The following SPTBN1 variants were observed in gnomAD, a reference collection of about 807,000 sequenced individuals.
SPTBN1 encodes spectrin beta, non-erythrocytic 1, also known as spectrin beta chain, non-erythrocytic 1.
Under a neutral mutation model 266.4 loss-of-function variants are expected in SPTBN1, and 32 were observed. That is an observed-to-expected ratio of 0.12 (90% CI 0.09 to 0.16). SPTBN1 has a LOEUF of 0.16. Among genes scored for constraint, SPTBN1 ranks in the 10% least tolerant of loss-of-function variants. The pLI is 1.00. For synonymous variants in SPTBN1, 1,336 were observed against 1,162.2 expected (o/e 1.15, Z -3.04); for missense variants, 2,296 against 3,067.1 (o/e 0.75, Z 5.94).
chr2:54,541,660 TC>T (rs1357587416), intron 2 of SPTBN1, among the ~76,000 whole-genome samples: 1 of 152,338 alleles, frequency 6.6e-6, no homozygotes, highest in East Asian at 1.9e-4. Flanking sequence ...GGATGATGTT[TC>T]TATGTTTTAA....
rs1016056482 is a variant in SPTBN1 at position 54,659,039 on chromosome 2, C to T, written c.6244-115C>T. ...GGCTCAGGATGTTAGAGCTTCTTGT[C>T]CAGTGTGGTCCAGTTTAGCAAACTA... On this transcript the variant is annotated intron_variant, in intron 30 of 35. Coordinates refer to ENST00000356805, the MANE Select transcript of SPTBN1 (RefSeq NM_003128.3). 8 of 998,930 alleles carry T rather than the reference C, an allele frequency of 8.0e-6. No individual in the cohort carries two copies. The African/African-American group carries it at 1.3e-4, about 16-fold the overall frequency. 61.9% of individuals were successfully genotyped at this position (998,930 alleles called of 1,614,324 possible).
intron 20 of SPTBN1, 59 bp downstream of exon 20, chr2:54,644,645 A>G: frequency 6.5e-7 from 1 of 1,535,756 alleles, no homozygotes; most frequent in Non-Finnish European, 8.8e-7. Context: ...CATAGTCCTT[A>G]GAGTCTTTTC....
chr2:54,659,097 T>C (rs763036498), intron 30 of SPTBN1, 57 bp from the exon 31 acceptor site: 4 of 1,595,986 alleles, frequency 2.5e-6, no homozygotes, highest in Non-Finnish European at 3.4e-6. Flanking sequence ...CTAGAACCTT[T>C]TTCTGAAAAG....
rs955745776 is a variant in SPTBN1 at position 54,669,848 on chromosome 2, T to C, written c.*1279T>C. The C allele has an allele frequency of 1.3e-5, 2 of 152,248 alleles. No individual in the cohort carries two copies. Among genetic ancestry groups the C allele is most frequent in the Non-Finnish European group, 2.9e-5 (2 of 68,038 alleles). 9.4% of individuals were successfully genotyped at this position (152,248 alleles called of 1,614,324 possible). A position where few individuals can be genotyped will look rare whatever the true frequency, so the allele number is the denominator to read the frequency against. ...GAAAACTACAGCAAACAGTAATAAA[T>C]GTGACTGTTTTGTAGTTATACATTC... On this transcript the variant is annotated 3_prime_UTR_variant, in exon 36 of 36. Coordinates refer to ENST00000356805, the MANE Select transcript of SPTBN1 (RefSeq NM_003128.3).
chr2:54,580,816 G>T (rs1286344170), intron 2 of SPTBN1, among the ~76,000 whole-genome samples: 1 of 151,976 alleles, frequency 6.6e-6, no homozygotes, highest in Non-Finnish European at 1.5e-5. Context: ...AAAAATTATA[G>T]GCCGGGTGCA....
chr2:54,537,992 G>C (rs970418801), intron 2 of SPTBN1, among the ~76,000 whole-genome samples: 2 of 152,198 alleles, frequency 1.3e-5, no homozygotes, highest in Non-Finnish European at 2.9e-5. Flanking sequence ...CCCCAAAGGG[G>C]AAAGTTTGCT....
At chr2:54,657,736 T>C in intron 29 of SPTBN1, 114 bp from the exon 30 acceptor site, 2 of 1,274,410 alleles carry the variant, frequency 1.6e-6, no homozygotes, top group South Asian at 2.6e-5. Context: ...GAGTAGACGA[T>C]AGACTGGTTA....
chr2:54,576,129 A>G (rs1281186260), intron 2 of SPTBN1, among the ~76,000 whole-genome samples: 1 of 133,808 alleles, frequency 7.5e-6, no homozygotes, highest in African/African-American at 2.9e-5. Flanking sequence ...ATCTCGGCTC[A>G]CTGCAACCTC....
At chr2:54,647,772 G>A (rs1275527250) in intron 24 of SPTBN1, among the ~76,000 whole-genome samples, 1 of 152,198 alleles carries the variant, frequency 6.6e-6, no homozygotes, top group Non-Finnish European at 1.5e-5. Context: ...GAGTCCAGGA[G>A]TTTGAGTCTA....
chr2:54,651,625 A>C (rs1680297912), intron 26 of SPTBN1, among the ~76,000 whole-genome samples: 1 of 152,224 alleles, frequency 6.6e-6, no homozygotes, highest in South Asian at 2.1e-4. Flanking sequence ...GCAATAGTTC[A>C]TATTTGTGGA....
At chr2:54,509,116 C>T (rs559288127) in intron 1 of SPTBN1, among the ~76,000 whole-genome samples, 17 of 152,272 alleles carry the variant, frequency 1.1e-4, no homozygotes, top group African/African-American at 3.8e-4. Flanking sequence ...TATAGCATAG[C>T]CTGCCTTTGC....
chr2:54,478,382 C>A (rs180939703), intron 1 of SPTBN1, among the ~76,000 whole-genome samples: 21 of 152,200 alleles, frequency 1.4e-4, no homozygotes, highest in Admixed American at 9.2e-4. Flanking sequence ...GATGGGCCAC[C>A]CTCTGGACCT....
chr2:54,475,308 C>T (rs1477110608), intron 1 of SPTBN1, among the ~76,000 whole-genome samples: 2 of 152,236 alleles, frequency 1.3e-5, no homozygotes, highest in African/African-American at 2.4e-5. Context: ...CGTTTGGCAA[C>T]AGTTTGTCTC....
In SPTBN1 at chr2:54,664,799, C is replaced by A. The variant is rs1238697856; in HGVS notation, c.6659+108C>A. On this transcript the variant is annotated intron_variant, in intron 33 of 35. Transcript: ENST00000356805. The surrounding 1 kb of genome is among the most constrained non-coding windows in gnomAD (Gnocchi z 5.6). ...AAGTATGTGCTCATGTAGTTTTATT[C>A]CTTTGGTAGCTTCCTGGACATTGCA... is the stretch of plus-strand genomic sequence containing the variant. The A allele has an allele frequency of 1.8e-6, 2 of 1,129,082 alleles. No homozygotes were observed. Among genetic ancestry groups the A allele is most frequent in the Admixed American group, 4.8e-5 (2 of 42,030 alleles). The allele number at this position is 1,129,082 out of a possible 1,614,324, so 69.9% of individuals were successfully genotyped here. A position where few individuals can be genotyped will look rare whatever the true frequency, so the allele number is the denominator to read the frequency against.
At chr2:54,601,664 A>G (rs1676507205) in intron 3 of SPTBN1, among the ~76,000 whole-genome samples, 1 of 152,232 alleles carries the variant, frequency 6.6e-6, no homozygotes, top group Non-Finnish European at 1.5e-5. Context: ...TCTGGAGCCC[A>G]GTCTTTGTCA....
At chr2:54,457,744 GCTGCTAC>G (rs1225833672) in intron 1 of SPTBN1, among the ~76,000 whole-genome samples, 1 of 152,258 alleles carries the variant, frequency 6.6e-6, no homozygotes, top group Non-Finnish European at 1.5e-5. Context: ...GCCTGGAGCT[GCTGCTAC>G]CTTGTCCTGC....
chr2:54,545,405 GTA>G (rs1672183579), intron 2 of SPTBN1: 2 of 152,202 alleles, frequency 1.3e-5, no homozygotes, highest in South Asian at 4.2e-4. Flanking sequence ...CCATTACTGG[GTA>G]TATATAAAAC....
At chr2:54,654,943 A>G in intron 27 of SPTBN1, 127 bp from the exon 28 acceptor site, 1 of 1,233,510 alleles carries the variant, frequency 8.1e-7, no homozygotes, top group South Asian at 1.6e-5. Context: ...GGAGTGATTC[A>G]GACCTGAAAG....
intron 3 of SPTBN1, among the ~76,000 whole-genome samples, chr2:54,609,304 C>G (rs1395265004): frequency 1.3e-5 from 2 of 152,170 alleles, no homozygotes; most frequent in Non-Finnish European, 2.9e-5. Context: ...CTCCAAGATC[C>G]GTATCATGAA....
Sources: allele counts gnomAD v4.1 joint callset (sites outside exome capture counted in the v4.1 genomes callset), GRCh38; gene constraint gnomAD v4.1.1; non-coding constraint Gnocchi (gnomAD v3.1); transcripts MANE v1.5; gene names NCBI Gene and HGNC (gene_info 2026-07-23, HGNC 2026-07-21).